The following NELL1 variants were observed in gnomAD, a reference collection of about 807,000 sequenced individuals.
The protein encoded by NELL1 is protein kinase C-binding protein NELL1.
NELL1 carries 76 observed loss-of-function variants against 107.4 expected under a neutral mutation model. That is an observed-to-expected ratio of 0.71 (90% CI 0.59 to 0.86). The LOEUF (loss-of-function observed/expected upper bound fraction) is 0.86. NELL1 is among the 40% of genes least tolerant of loss of function. NELL1 has a pLI of 0.00. For synonymous variants in NELL1, 353 were observed against 341.2 expected (o/e 1.03, Z -0.38); for missense variants, 1,024 against 1,005.5 (o/e 1.02, Z -0.25).
chr11:21,199,300 G>T (rs2133845755), intron 13 of NELL1, among the ~76,000 whole-genome samples: 1 of 152,240 alleles, frequency 6.6e-6, no homozygotes, highest in Non-Finnish European at 1.5e-5. Context: ...AGGAAAAAGG[G>T]CAACAACAAC....
Position 21,143,891 on chromosome 11 carries a change from T to C in NELL1, c.1426+30177T>C, listed in dbSNP as rs115291802. Among the ~76,000 whole-genome samples, 1,159 of 152,046 alleles carry C rather than the reference T, an allele frequency of 7.6e-3. 14 individuals carry two copies. The highest frequency in any genetic ancestry group is 0.026 in the African/African-American group (1,089 of 41,450). ...TAAAAGACCTGCTTTATTAACCAGG[T>C]AAAAGAAGTCTGTGTCAAGACTAAT... On this transcript the variant is annotated intron_variant, in intron 13 of 19. Transcript: ENST00000357134.
intron 14 of NELL1, among the ~76,000 whole-genome samples, chr11:21,262,875 T>C (rs1022097466): frequency 9.9e-5 from 15 of 151,908 alleles, no homozygotes; most frequent in African/African-American, 3.6e-4. Context: ...TTCTCTTTCT[T>C]TTTCTAGCTT....
chr11:21,427,090 G>A (rs1403938283), intron 15 of NELL1, among the ~76,000 whole-genome samples: 1 of 152,198 alleles, frequency 6.6e-6, no homozygotes, highest in Non-Finnish European at 1.5e-5. Flanking sequence ...AGTAGGGGCA[G>A]CAGGTGGAAA....
chr11:21,269,367 C>G (rs1436104690), intron 14 of NELL1, among the ~76,000 whole-genome samples: 1 of 151,748 alleles, frequency 6.6e-6, no homozygotes, highest in Non-Finnish European at 1.5e-5. Flanking sequence ...CTCTCTCTCT[C>G]TCTCTCTCTC....
chr11:21,074,590 A>C (rs1258284368), intron 12 of NELL1, among the ~76,000 whole-genome samples: 1 of 152,154 alleles, frequency 6.6e-6, no homozygotes, highest in Admixed American at 6.6e-5. Flanking sequence ...CTCTAGAATC[A>C]TTTGTGATGT....
chr11:21,311,862 A>G (rs1375195533), intron 14 of NELL1, among the ~76,000 whole-genome samples: 1 of 152,188 alleles, frequency 6.6e-6, no homozygotes, highest in African/African-American at 2.4e-5. Flanking sequence ...CTCAAAATAA[A>G]TATGTTGAAA....
chr11:21,453,354 T>C (rs1484133198), intron 15 of NELL1, among the ~76,000 whole-genome samples: 2 of 152,172 alleles, frequency 1.3e-5, no homozygotes, highest in Non-Finnish European at 2.9e-5. Flanking sequence ...GATAATTATC[T>C]AATACCCATT....
intron 3 of NELL1, among the ~76,000 whole-genome samples, chr11:20,832,644 C>T (rs906330912): frequency 6.6e-6 from 1 of 152,156 alleles, no homozygotes; most frequent in African/African-American, 2.4e-5. Flanking sequence ...GACATAGAAG[C>T]TGAGAATCAC....
At chr11:21,007,878 A>G (rs558688153) in intron 12 of NELL1, among the ~76,000 whole-genome samples, 1 of 152,300 alleles carries the variant, frequency 6.6e-6, no homozygotes, top group South Asian at 2.1e-4. Flanking sequence ...AAAGATGTCA[A>G]TATGAATAGA....
intron 12 of NELL1, among the ~76,000 whole-genome samples, chr11:21,028,502 G>T (rs867762309): frequency 6.6e-6 from 1 of 152,060 alleles, no homozygotes. Context: ...GCCCACTGAC[G>T]AAATGAAAAG....
At chr11:20,868,620 A>G (rs1227500059) in intron 4 of NELL1, among the ~76,000 whole-genome samples, 1 of 152,198 alleles carries the variant, frequency 6.6e-6, no homozygotes, top group Non-Finnish European at 1.5e-5. Flanking sequence ...GGTGAATTGT[A>G]CATGAATTAT....
At chr11:21,042,353 G>T (rs942866227) in intron 12 of NELL1, among the ~76,000 whole-genome samples, 2 of 152,170 alleles carry the variant, frequency 1.3e-5, no homozygotes, top group Admixed American at 6.5e-5. Flanking sequence ...TTTCAGGGCA[G>T]TGGGCCATAG....
intron 14 of NELL1, among the ~76,000 whole-genome samples, chr11:21,366,654 T>A (rs1188414727): frequency 1.3e-5 from 2 of 151,742 alleles, no homozygotes; most frequent in Non-Finnish European, 2.9e-5. Flanking sequence ...ACAAAATAAA[T>A]CCCTCCACCT....
intron 12 of NELL1, among the ~76,000 whole-genome samples, chr11:21,053,671 T>C (rs1853549386): frequency 6.6e-6 from 1 of 152,180 alleles, no homozygotes; most frequent in Non-Finnish European, 1.5e-5. Flanking sequence ...TTCAGTCTTT[T>C]CTGTCACTTT....
intron 2 of NELL1, among the ~76,000 whole-genome samples, chr11:20,781,898 C>T (rs566187802): frequency 0.034 from 3,155 of 93,466 alleles, 60 homozygotes; most frequent in Non-Finnish European, 0.045. Context: ...AAAAAAAAGG[C>T]GGGCATGGTG....
At chr11:21,318,952 G>A (rs954497488) in intron 14 of NELL1, among the ~76,000 whole-genome samples, 4 of 151,964 alleles carry the variant, frequency 2.6e-5, no homozygotes, top group Non-Finnish European at 5.9e-5. Context: ...TCTGTGAAAT[G>A]GAATTACTTT....
intron 13 of NELL1, among the ~76,000 whole-genome samples, chr11:21,146,418 G>A (rs954268964): frequency 6.6e-6 from 1 of 152,156 alleles, no homozygotes; most frequent in Non-Finnish European, 1.5e-5. Context: ...GGTGCCAGAG[G>A]CCAGAGAGAG....
chr11:21,063,831 A>G (rs1361136784), intron 12 of NELL1, among the ~76,000 whole-genome samples: 1 of 152,222 alleles, frequency 6.6e-6, no homozygotes, highest in East Asian at 1.9e-4. Context: ...ACAACAATAA[A>G]CAAACTAACT....
intron 13 of NELL1, among the ~76,000 whole-genome samples, chr11:21,165,851 C>T (rs1856469121): frequency 6.7e-6 from 1 of 149,542 alleles, no homozygotes; most frequent in Non-Finnish European, 1.5e-5. Flanking sequence ...CAACCTCTGC[C>T]TCCTGGGTTC....
Sources: allele counts gnomAD v4.1 joint callset (sites outside exome capture counted in the v4.1 genomes callset), GRCh38; gene constraint gnomAD v4.1.1; transcripts MANE v1.5; gene names NCBI Gene and HGNC (gene_info 2026-07-23, HGNC 2026-07-21).